Variants in NISCH observed in about 807,000 individuals in gnomAD.
NISCH encodes the protein I-1 receptor candidate protein.
A neutral mutation model predicts 138.4 loss-of-function variants in NISCH; 55 were observed. The observed-to-expected ratio is 0.40, with a 90% CI of 0.32 to 0.50. NISCH has a LOEUF of 0.50. NISCH is among the 20% of genes least tolerant of loss of function. The pLI is 0.71. For missense variants in NISCH, 1,643 were observed against 2,005.5 expected, an observed-to-expected ratio of 0.82 and a Z score of 3.45; for synonymous variants, 860 against 861.5, an observed-to-expected ratio of 1.00 and a Z score of 0.03.
chr3:52,485,643 G>C (rs770100040), intron 14 of NISCH, 135 bp from the exon 15 acceptor site: 116 of 948,350 alleles, frequency 1.2e-4, no homozygotes, highest in Non-Finnish European at 1.8e-4. Flanking sequence ...TGGGCTCCAG[G>C]GTACAGCGTG....
rs1243799834 is a variant in NISCH, at chr3:52,478,449, A to G, written c.1174A>G (p.Met392Val). Reference sequence around the variant, plus strand: ...AGGGGATGGAACTCATACCTTGCAGATGGAGGAGGTCCGGAGCATAGGCAG... The same window carrying G: ...AGGGGATGGAACTCATACCTTGCAGGTGGAGGAGGTCCGGAGCATAGGCAG... ...LDLRDNRIEQ[M>V]EEVRSIGSLP... The change falls in exon 11 of 21, where the codon ATG (methionine) becomes GTG (valine). Residue 392 changes from methionine to valine, a missense_variant and splice_region_variant. Transcript: ENST00000345716. 1.2e-6 allele frequency: 2 copies of G among 1,614,094 alleles called. No homozygotes were observed. The highest frequency in any genetic ancestry group is 1.3e-5 in the African/African-American group (1 of 74,940).
chr3:52,484,628 T>C lies in NISCH; in HGVS notation c.1644T>C (p.Pro548=), dbSNP rs1438125022. Residue 548 remains proline, a synonymous_variant, in exon 14 of 21, where the codon CCT becomes CCC. Coordinates refer to ENST00000345716, the MANE Select transcript of NISCH (RefSeq NM_007184.4). ...GTTCTGATTCCTTGGAGTCCATCCC[T>C]GCGGGACAGGTAATGCCCTCTTCCC... ...QGCSDSLESI[P]AGQAASDDLR... 45 of 1,613,906 alleles carry C rather than the reference T, an allele frequency of 2.8e-5. No individual in the cohort carries two copies. The highest frequency in any genetic ancestry group is 3.5e-5 in the Non-Finnish European group (41 of 1,180,012).
chr3:52,480,474 T>A (rs1707241129), intron 13 of NISCH, 179 bp downstream of exon 13: 5 of 1,531,642 alleles, frequency 3.3e-6, no homozygotes, highest in Non-Finnish European at 4.4e-6. Context: ...GTGCCTGGCC[T>A]GATGCCAGCT....
chr3:52,479,908 G>A (rs781368654), intron 12 of NISCH, 46 bp downstream of exon 12: 49 of 1,480,680 alleles, frequency 3.3e-5, no homozygotes, highest in East Asian at 1.8e-4. Flanking sequence ...AGAGCCAGCC[G>A]GGATAGGAGC....
In NISCH at chr3:52,489,469, T is replaced by A. The variant is rs773937058; in HGVS notation, c.3247T>A (p.Ser1083Thr). ...TCCGGCCCCAGCAGAGGCCTCAACTTCAGCTTTGGTCCCAGAGGAGACGCC... is the reference window on the plus strand; with the variant it reads ...TCCGGCCCCAGCAGAGGCCTCAACTACAGCTTTGGTCCCAGAGGAGACGCC... ...KTPAPAEAST[S>T]ALVPEETPVE... The change falls in exon 17 of 21, where the codon TCA becomes ACA. Residue 1083 changes from serine to threonine, a missense_variant. Coordinates refer to ENST00000345716, the MANE Select transcript of NISCH (RefSeq NM_007184.4). 8.1e-6 allele frequency: 13 copies of A among 1,605,562 alleles called. No homozygotes were observed. In the Admixed American group the frequency reaches 2.2e-4, roughly 27 times the overall value.
chr3:52,460,693 C>T (rs1029766444), intron 3 of NISCH, among the ~76,000 whole-genome samples: 4 of 152,158 alleles, frequency 2.6e-5, no homozygotes, highest in Non-Finnish European at 5.9e-5. Context: ...TGAGCCACTG[C>T]ACCTGGCTGA....
In NISCH at chr3:52,492,184, G is replaced by A. The variant is rs373042665; in HGVS notation, c.4217G>A (p.Arg1406Gln). 59 of 1,612,964 alleles carry A rather than the reference G, an allele frequency of 3.7e-5. No individual in the cohort carries two copies. Among genetic ancestry groups the A allele is most frequent in the Admixed American group, 1.5e-4 (9 of 60,014 alleles). ...GAGCCGCCGCAGAGAGACAGGTACCGGCTGGACGATGGCCGCCGCGTCCGG... is the reference window on the plus strand; with the variant it reads ...GAGCCGCCGCAGAGAGACAGGTACCAGCTGGACGATGGCCGCCGCGTCCGG... Reference protein sequence around the residue: ...AKEPPQRDRYRLDDGRRVRDL... With the variant: ...AKEPPQRDRYQLDDGRRVRDL... The change falls in exon 21 of 21, where the codon CGG becomes CAG. Residue 1406 changes from arginine to glutamine, a missense_variant. Arg to Gln is a conservative substitution (Grantham distance 43). Transcript: ENST00000345716.
intron 3 of NISCH, among the ~76,000 whole-genome samples, chr3:52,466,303 C>T (rs561187280): frequency 2.8e-4 from 43 of 152,256 alleles, no homozygotes; most frequent in South Asian, 1.7e-3. Context: ...TGGTGACTCA[C>T]GCCTGTAATC....
chr3:52,485,063 G>A (rs577907181), intron 14 of NISCH, among the ~76,000 whole-genome samples: 57 of 152,126 alleles, frequency 3.7e-4, no homozygotes, highest in Non-Finnish European at 6.8e-4. Flanking sequence ...GCGCCTTTCC[G>A]CATGTCACCC....
intron 3 of NISCH, among the ~76,000 whole-genome samples, chr3:52,467,235 A>T (rs1706807376): frequency 6.6e-6 from 1 of 151,956 alleles, no homozygotes; most frequent in African/African-American, 2.4e-5. Flanking sequence ...TCCTGACCTC[A>T]AGTGATCCGC....
At chr3:52,467,977 T>G (rs181127498) in intron 3 of NISCH, among the ~76,000 whole-genome samples, 9 of 152,276 alleles carry the variant, frequency 5.9e-5, no homozygotes, top group Admixed American at 2.0e-4. Flanking sequence ...AATGTGCCAT[T>G]GGCCGAGCGT....
chr3:52,458,587 C>G, intron 2 of NISCH, 75 bp from the exon 3 acceptor site: 1 of 1,364,408 alleles, frequency 7.3e-7, no homozygotes, highest in South Asian at 1.4e-5. Context: ...CGCCTGCCCT[C>G]AAGCTTCTTG....
At chr3:52,472,945 G>C (rs1272550539) in intron 6 of NISCH, among the ~76,000 whole-genome samples, 1 of 152,240 alleles carries the variant, frequency 6.6e-6, no homozygotes, top group Non-Finnish European at 1.5e-5. Context: ...CATGGCTTTT[G>C]TGTTCTGCCC....
intron 3 of NISCH, among the ~76,000 whole-genome samples, chr3:52,464,594 G>A (rs925676307): frequency 5.7e-5 from 7 of 122,520 alleles, no homozygotes; most frequent in Admixed American, 1.1e-4. Context: ...GCGTGATCTC[G>A]ACTCACTGCA....
chr3:52,473,333 A>G (rs1484562400), intron 6 of NISCH, among the ~76,000 whole-genome samples: 1 of 152,032 alleles, frequency 6.6e-6, no homozygotes, highest in East Asian at 1.9e-4. Flanking sequence ...GCCCCTCCTC[A>G]CCACAAGACA....
Position 52,488,723 on chromosome 3 carries a change from C to G in NISCH, c.3113+118C>G, listed in dbSNP as rs368009574. 120 of 878,558 alleles carry G rather than the reference C, an allele frequency of 1.4e-4. 3 individuals carry two copies. The highest frequency in any genetic ancestry group is 3.5e-4 in the Middle Eastern group (1 of 2,848). The allele number at this position is 878,558 out of a possible 1,614,324, so 54.4% of individuals were successfully genotyped here. A position where few individuals can be genotyped will look rare whatever the true frequency, so the allele number is the denominator to read the frequency against. On this transcript the variant is annotated intron_variant, in intron 16 of 20. Coordinates refer to ENST00000345716, the MANE Select transcript of NISCH (RefSeq NM_007184.4). The stretch of plus-strand genomic sequence containing the variant: ...CTGCGAGAGCTGGGCCCCCTCCCCC[C>G]CTGCCCCTCGCCCCCCCCGGGCCTC...
rs751980093 is a variant in NISCH, at chr3:52,478,462, G to A, written c.1187G>A (p.Arg396Gln). Reference sequence around the variant, plus strand: ...CATACCTTGCAGATGGAGGAGGTCCGGAGCATAGGCAGCCTCCCGTGTCTG... The same window carrying A: ...CATACCTTGCAGATGGAGGAGGTCCAGAGCATAGGCAGCCTCCCGTGTCTG... Reference protein sequence around the residue: ...DNRIEQMEEVRSIGSLPCLEH... With the variant: ...DNRIEQMEEVQSIGSLPCLEH... Residue 396 changes from arginine (R) to glutamine (Q), a missense_variant, in exon 11 of 21, where the codon CGG becomes CAG. Physicochemically the swap from Arg to Gln is conservative, Grantham distance 43. Coordinates refer to ENST00000345716, the MANE Select transcript of NISCH (RefSeq NM_007184.4). 4.3e-5 allele frequency: 70 copies of A among 1,614,050 alleles called. No individual in the cohort carries two copies. Among genetic ancestry groups the A allele is most frequent in the Middle Eastern group, 1.6e-4 (1 of 6,084 alleles).
At chr3:52,471,315 C>T (rs1356754973) in intron 4 of NISCH, 11 of 279,776 alleles carry the variant, frequency 3.9e-5, no homozygotes, top group Non-Finnish European at 6.8e-5. Flanking sequence ...GGGAAGGATA[C>T]GGGGTCAGCG....
intron 6 of NISCH, among the ~76,000 whole-genome samples, chr3:52,472,662 A>G (rs1008846935): frequency 2.6e-5 from 4 of 152,178 alleles, no homozygotes; most frequent in Admixed American, 2.6e-4. Flanking sequence ...GGCTCATTCT[A>G]GGACTCCTCA....
Sources: allele counts gnomAD v4.1 joint callset (sites outside exome capture counted in the v4.1 genomes callset), GRCh38; gene constraint gnomAD v4.1.1; transcripts MANE v1.5; gene names NCBI Gene and HGNC (gene_info 2026-07-23, HGNC 2026-07-21).